SRBD1: variants seen among roughly 807,000 people sequenced by gnomAD.
The protein encoded by SRBD1 is S1 RNA-binding domain-containing protein 1.
SRBD1 carries 88 observed loss-of-function variants against 115.3 expected under a neutral mutation model. The ratio of observed to expected loss-of-function variants is 0.76; its 90% confidence interval spans 0.64 to 0.91. The LOEUF is 0.91. Ranked by LOEUF, SRBD1 falls within the 40% of genes least tolerant of loss-of-function variation. SRBD1 has a pLI of 0.00. For missense variants in SRBD1, 1,385 were observed against 1,177.4 expected (o/e 1.18, Z -2.58); for synonymous variants, 509 against 407.7 (o/e 1.25, Z -2.99).
At chr2:45,549,648 C>T (rs566469668) in intron 12 of SRBD1, among the ~76,000 whole-genome samples, 1 of 130,706 alleles carries the variant, frequency 7.7e-6, no homozygotes, top group Admixed American at 9.3e-5. Context: ...CTCAGGATTT[C>T]AAGACCAGCC....
chr2:45,541,952 G>C (rs1172201652), intron 14 of SRBD1, among the ~76,000 whole-genome samples: 1 of 152,258 alleles, frequency 6.6e-6, no homozygotes, highest in Non-Finnish European at 1.5e-5. Context: ...ACTCCACCCA[G>C]AACTGGCAAC....
intron 7 of SRBD1, among the ~76,000 whole-genome samples, chr2:45,577,345 C>T (rs1439139624): frequency 6.6e-6 from 1 of 152,174 alleles, no homozygotes; most frequent in Non-Finnish European, 1.5e-5. Context: ...AAGTTTAGCA[C>T]CTCAGTTAAA....
intron 4 of SRBD1, among the ~76,000 whole-genome samples, chr2:45,586,229 C>T (rs1166361477): frequency 6.6e-6 from 1 of 152,158 alleles, no homozygotes; most frequent in African/African-American, 2.4e-5. Flanking sequence ...GGAAATTTAT[C>T]ATAACATATA....
chr2:45,456,952 A>G (rs544723245), intron 16 of SRBD1, among the ~76,000 whole-genome samples: 98 of 152,038 alleles, frequency 6.4e-4, no homozygotes, highest in African/African-American at 2.3e-3. Context: ...AATTCCAGAC[A>G]ATGGCTGACA....
At chr2:45,415,686 CGGGAG>C (rs1558564950) in intron 18 of SRBD1, among the ~76,000 whole-genome samples, 1 of 11,542 alleles carries the variant, frequency 8.7e-5, no homozygotes. Context: ...GGGGAGGGGA[CGGGAG>C]AGGAGAGGAG....
intron 20 of SRBD1, among the ~76,000 whole-genome samples, chr2:45,391,253 T>C (rs1277151359): frequency 6.6e-6 from 1 of 152,188 alleles, no homozygotes; most frequent in Non-Finnish European, 1.5e-5. Flanking sequence ...TTTAACACTT[T>C]CATAGCCAAG....
chr2:45,401,762 C>T (rs1276542562), intron 19 of SRBD1, among the ~76,000 whole-genome samples: 2 of 152,170 alleles, frequency 1.3e-5, no homozygotes, highest in Non-Finnish European at 2.9e-5. Flanking sequence ...AGAAAAATTG[C>T]AAATTACAAC....
intron 10 of SRBD1, among the ~76,000 whole-genome samples, chr2:45,560,380 G>A (rs1299598680): frequency 6.6e-6 from 1 of 152,128 alleles, no homozygotes; most frequent in East Asian, 1.9e-4. Context: ...AAATAAGCCA[G>A]AAATTGTCTT....
chr2:45,581,753 C>A lies in SRBD1; in HGVS notation c.873G>T (p.Met291Ile). ...TIQKIKKEGK[M>I]SECLLKAMLN... ...GCATGGCTTTTAACAAGCACTCAGA[C>A]ATCTTCCCTTCCTTCTTAATTTTCT... The change falls in exon 6 of 21, where the codon ATG becomes ATT. Residue 291 changes from methionine (M) to isoleucine (I), a missense_variant. By Grantham distance (10) the Met-to-Ile change is conservative. Coordinates refer to ENST00000263736, the MANE Select transcript of SRBD1 (RefSeq NM_018079.5). 6.2e-7 allele frequency: 1 copy of A among 1,613,588 alleles called. No individual in the cohort carries two copies. The highest frequency in any genetic ancestry group is 2.2e-5 in the East Asian group (1 of 44,766).
intron 14 of SRBD1, among the ~76,000 whole-genome samples, chr2:45,503,391 T>C (rs372027342): frequency 1.3e-5 from 2 of 152,224 alleles, no homozygotes; most frequent in African/African-American, 4.8e-5. Flanking sequence ...CCTATGGCTT[T>C]TGACATCCTA....
Position 45,581,780 on chromosome 2 carries a change from G to A in SRBD1, c.846C>T (p.Ile282=), listed in dbSNP as rs1176906613. ...TCTTCCCTTCCTTCTTAATTTTCTG[G>A]ATTGTACTATGAACTTTCTTTGCAA... ...RAVAKKVHST[I]QKIKKEGKMS... The change falls in exon 6 of 21, where the codon ATC becomes ATT. Residue 282 remains isoleucine, a synonymous_variant. Coordinates refer to ENST00000263736, the MANE Select transcript of SRBD1 (RefSeq NM_018079.5). The A allele has an allele frequency of 6.2e-7, 1 of 1,613,264 alleles. No homozygotes were observed. The highest frequency in any genetic ancestry group is 1.3e-5 in the African/African-American group (1 of 74,858).
chr2:45,557,000 G>T (rs775490184), intron 10 of SRBD1, among the ~76,000 whole-genome samples: 1 of 152,064 alleles, frequency 6.6e-6, no homozygotes, highest in East Asian at 1.9e-4. Context: ...ATCTGAGATA[G>T]GTTTTTTTAA....
At chr2:45,526,950 G>A (rs1386762604) in intron 14 of SRBD1, among the ~76,000 whole-genome samples, 1 of 151,876 alleles carries the variant, frequency 6.6e-6, no homozygotes, top group Non-Finnish European at 1.5e-5. Flanking sequence ...GACTTCAAAA[G>A]TACTGATAAC....
intron 11 of SRBD1, among the ~76,000 whole-genome samples, chr2:45,552,284 T>C (rs1002320785): frequency 2.0e-5 from 3 of 152,226 alleles, no homozygotes; most frequent in Admixed American, 2.0e-4. Flanking sequence ...TCAGGAGGCG[T>C]ATCTGTAGAT....
intron 14 of SRBD1, among the ~76,000 whole-genome samples, chr2:45,531,331 T>C (rs1473836829): frequency 6.6e-6 from 1 of 151,868 alleles, no homozygotes. Context: ...GTCAAGAGAA[T>C]ATATGACTTT....
chr2:45,455,284 G>A (rs535878698), intron 16 of SRBD1, among the ~76,000 whole-genome samples: 1 of 151,978 alleles, frequency 6.6e-6, no homozygotes, highest in East Asian at 1.9e-4. Flanking sequence ...ATTTCAGAAA[G>A]AAGGCAGAAG....
chr2:45,453,779 C>G (rs1035905362), intron 16 of SRBD1, among the ~76,000 whole-genome samples: 2 of 151,964 alleles, frequency 1.3e-5, no homozygotes, highest in South Asian at 2.1e-4. Flanking sequence ...CTAATATATA[C>G]AGAGAGAGAC....
chr2:45,518,964 T>TAAAAAAA (rs11362482), intron 14 of SRBD1, among the ~76,000 whole-genome samples: 1 of 111,156 alleles, frequency 9.0e-6, no homozygotes. Flanking sequence ...CGAATAAGGC[T>TAAAAAAA]AAAAAAAAAA....
intron 4 of SRBD1, among the ~76,000 whole-genome samples, chr2:45,589,619 G>C (rs1054510809): frequency 1.3e-5 from 2 of 152,128 alleles, no homozygotes; most frequent in East Asian, 1.9e-4. Flanking sequence ...ATGGTACTAG[G>C]TCCTAACAAA....
Sources: gnomAD v4.1 joint callset for allele counts (sites outside exome capture counted in the v4.1 genomes callset) on GRCh38, gnomAD v4.1.1 for gene constraint, MANE v1.5 for transcripts, NCBI Gene and HGNC (gene_info 2026-07-23, HGNC 2026-07-21) for gene names.